The following PCDH15 variants were observed in gnomAD, a reference collection of about 807,000 sequenced individuals.
PCDH15 encodes protocadherin-15.
PCDH15 carries 129 observed loss-of-function variants against 178.5 expected under a neutral mutation model. The observed-to-expected ratio is 0.72, with a 90% CI of 0.63 to 0.84. The LOEUF is 0.84. Among genes scored for constraint, PCDH15 ranks in the 40% least tolerant of loss-of-function variants. The pLI, the probability that PCDH15 is intolerant of heterozygous loss-of-function variation, is 0.00. For synonymous variants in PCDH15, 800 were observed against 732.0 expected (o/e 1.09, Z -1.50); for missense variants, 2,230 against 2,099.9 (o/e 1.06, Z -1.21).
chr10:54,600,471 T>C, intron 2 of PCDH15: 1 of 577,730 alleles, frequency 1.7e-6, no homozygotes, highest in Non-Finnish European at 3.4e-6. Flanking sequence ...AGGGGGATGA[T>C]AAAAATGAAG....
chr10:54,572,383 A>C (rs948725289), intron 2 of PCDH15, among the ~76,000 whole-genome samples: 11 of 152,104 alleles, frequency 7.2e-5, no homozygotes, highest in African/African-American at 2.7e-4. Flanking sequence ...CTCCACCTTG[A>C]GTTTGCCTTC....
At chr10:54,298,281 C>T (rs2059923545) in intron 8 of PCDH15, among the ~76,000 whole-genome samples, 1 of 152,112 alleles carries the variant, frequency 6.6e-6, no homozygotes, top group African/African-American at 2.4e-5. Context: ...CAAAAGAAAG[C>T]TCCAAAAGTG....
At chr10:54,695,085 G>A (rs2095199383) in intron 1 of PCDH15, among the ~76,000 whole-genome samples, 1 of 151,996 alleles carries the variant, frequency 6.6e-6, no homozygotes, top group Admixed American at 6.6e-5. Flanking sequence ...GGAGGGGGAA[G>A]GGATAACATT....
At chr10:55,526,755 A>G (rs1565224378) in intron 2 of PCDH15, among the ~76,000 whole-genome samples, 1 of 152,066 alleles carries the variant, frequency 6.6e-6, no homozygotes, top group Admixed American at 6.6e-5. Flanking sequence ...CAAACTTGCC[A>G]TTTCCTAATT....
chr10:55,108,042 G>A (rs771032177), intron 2 of PCDH15, among the ~76,000 whole-genome samples: 1 of 152,120 alleles, frequency 6.6e-6, no homozygotes, highest in South Asian at 2.1e-4. Context: ...CCCATATAAA[G>A]GGATGAAAAG....
At chr10:55,073,540 C>G (rs1391981793) in intron 2 of PCDH15, among the ~76,000 whole-genome samples, 1 of 152,066 alleles carries the variant, frequency 6.6e-6, no homozygotes, top group South Asian at 2.1e-4. Context: ...ATCCAACTTA[C>G]AAGGGACGTG....
intron 2 of PCDH15, among the ~76,000 whole-genome samples, chr10:55,538,508 T>TCCTC (rs1297011982): frequency 9.5e-6 from 1 of 105,060 alleles, no homozygotes; most frequent in African/African-American, 3.8e-5. Context: ...CTTCCTTCCT[T>TCCTC]CTTTCCTTCC....
chr10:55,344,963 C>T (rs1008295993), intron 2 of PCDH15, among the ~76,000 whole-genome samples: 1 of 151,948 alleles, frequency 6.6e-6, no homozygotes. Flanking sequence ...TTTATCGACC[C>T]TCTTTATCTT....
At chr10:54,191,506 G>A (rs1161617535) in intron 11 of PCDH15, among the ~76,000 whole-genome samples, 2 of 152,130 alleles carry the variant, frequency 1.3e-5, no homozygotes, top group Non-Finnish European at 2.9e-5. Flanking sequence ...AAATGTTATA[G>A]GTGAATTAGG....
chr10:54,571,570 G>T (rs191084684), intron 2 of PCDH15, among the ~76,000 whole-genome samples: 23 of 152,106 alleles, frequency 1.5e-4, no homozygotes, highest in Admixed American at 2.6e-4. Flanking sequence ...CATTACAATG[G>T]TTTAGTGAGC....
At chr10:54,073,643 G>A (rs1337564838) in intron 17 of PCDH15, among the ~76,000 whole-genome samples, 1 of 152,116 alleles carries the variant, frequency 6.6e-6, no homozygotes, top group Non-Finnish European at 1.5e-5. Context: ...AGCCATAACT[G>A]AGTAATTCAA....
chr10:54,885,541 A>G (rs1193853533), intron 3 of PCDH15, among the ~76,000 whole-genome samples: 1 of 152,056 alleles, frequency 6.6e-6, no homozygotes, highest in Non-Finnish European at 1.5e-5. Flanking sequence ...AAAATAAATA[A>G]TAATTTCAAA....
Position 55,530,249 on chromosome 10 carries a change from C to A in PCDH15, c.-156+97376G>T, listed in dbSNP as rs548203942. ...GGGAATTCAGAGTATGAGCAAGAAC[C>A]CTCATCCCTATACAATTCTCTAACC... On this transcript the variant is annotated intron_variant, in intron 2 of 5. Coordinates refer to the PCDH15 transcript ENST00000613346. Among the ~76,000 whole-genome samples the A allele has an allele frequency of 2.6e-5, 4 of 151,928 alleles. No homozygotes were observed. In the East Asian group the frequency reaches 7.8e-4, roughly 30 times the overall value.
At chr10:55,363,916 C>T (rs1291895341) in intron 2 of PCDH15, among the ~76,000 whole-genome samples, 1 of 152,100 alleles carries the variant, frequency 6.6e-6, no homozygotes, top group African/African-American at 2.4e-5. Flanking sequence ...GGATTATAAG[C>T]GTGAGCCACT....
intron 2 of PCDH15, among the ~76,000 whole-genome samples, chr10:55,614,113 CA>C (rs34985733): frequency 0.88 from 124,442 of 141,312 alleles, 54,558 homozygotes; most frequent in Admixed American, 0.92. Context: ...GACTCCATCT[CA>C]AAAAAAAAAA....
chr10:54,752,492 CAAA>C (rs1227186569), intron 1 of PCDH15, among the ~76,000 whole-genome samples: 3,783 of 67,750 alleles, frequency 0.056, 524 homozygotes, highest in Middle Eastern at 0.21. Context: ...AAAAAAAAAA[CAAA>C]AAACAAAAAA....
At chr10:54,700,472 TACA>T (rs1172033498) in intron 1 of PCDH15, among the ~76,000 whole-genome samples, 1 of 151,880 alleles carries the variant, frequency 6.6e-6, no homozygotes, top group Non-Finnish European at 1.5e-5. Flanking sequence ...AGGAATACAA[TACA>T]ACAATACAAG....
chr10:54,628,573 G>T (rs192849854), intron 2 of PCDH15, among the ~76,000 whole-genome samples: 26 of 152,212 alleles, frequency 1.7e-4, no homozygotes, highest in East Asian at 1.5e-3. Flanking sequence ...CCAGTAATTC[G>T]TCTAAATTTA....
At chr10:55,390,803 G>A (rs540286024) in intron 2 of PCDH15, among the ~76,000 whole-genome samples, 18 of 152,284 alleles carry the variant, frequency 1.2e-4, no homozygotes, top group Non-Finnish European at 2.2e-4. Flanking sequence ...TTGTCAATGA[G>A]CAGTAGTAAT....
Sources: allele counts gnomAD v4.1 joint callset (sites outside exome capture counted in the v4.1 genomes callset), GRCh38; gene constraint gnomAD v4.1.1; transcripts MANE v1.5; gene names NCBI Gene and HGNC (gene_info 2026-07-23, HGNC 2026-07-21).